CRTC3: variants seen among roughly 807,000 people sequenced by gnomAD.
CRTC3 encodes the protein CREB-regulated transcription coactivator 3.
Under a neutral mutation model 74.5 loss-of-function variants are expected in CRTC3, and 26 were observed. That is an observed-to-expected ratio of 0.35 (90% CI 0.26 to 0.48). CRTC3 has a LOEUF of 0.48. Ranked by LOEUF, CRTC3 falls within the 20% of genes least tolerant of loss-of-function variation. The pLI, the probability that CRTC3 is intolerant of heterozygous loss-of-function variation, is 0.99. For missense variants in CRTC3, 760 were observed against 787.3 expected, an observed-to-expected ratio of 0.97 and a Z score of 0.41; for synonymous variants, 377 against 325.8, an observed-to-expected ratio of 1.16 and a Z score of -1.69.
Position 90,619,760 on chromosome 15 carries a change from G to A in CRTC3, c.719G>A (p.Arg240His), listed in dbSNP as rs376110475. ...ETKEIQSLSG[R>H]PRSCDVGGGN... ...TCTCAGATTCAGTCCCTGTCAGGAC[G>A]CCCTCGATCCTGTGATGTTGGAGGT... The change falls in exon 9 of 15, where the codon CGC becomes CAC. Residue 240 changes from arginine to histidine, a missense_variant. Arg to His is a conservative substitution (Grantham distance 29). Around this residue, in one of 2 missense-constraint regions of CRTC3, gnomAD observed 652 missense variants for 635.2 expected, o/e 1.03. Transcript: ENST00000268184. 12 of 1,613,716 alleles carry A rather than the reference G, an allele frequency of 7.4e-6. No homozygotes were observed. Among genetic ancestry groups the A allele is most frequent in the Admixed American group, 5.0e-5 (3 of 59,998 alleles).
At position 90,602,020 on chromosome 15, in the gene CRTC3, A is replaced by G. The variant is rs1968082969; in HGVS notation, c.352-304A>G. ...GGCCTGGGTCCCTCACATGTGGCACAGAGGGAATGGCAGTGTTACCAGGTT... is the reference window on the plus strand; with the variant it reads ...GGCCTGGGTCCCTCACATGTGGCACGGAGGGAATGGCAGTGTTACCAGGTT... On this transcript the variant is annotated intron_variant, in intron 3 of 14. Coordinates refer to ENST00000268184, the MANE Select transcript of CRTC3 (RefSeq NM_022769.5). Among the ~76,000 whole-genome samples, 3 of 152,212 alleles carry G rather than the reference A, an allele frequency of 2.0e-5. No homozygotes were observed. In the South Asian group the frequency reaches 6.2e-4, roughly 31 times the overall value.
chr15:90,604,473 G>T, intron 5 of CRTC3, 26 bp downstream of exon 5: 1 of 1,572,746 alleles, frequency 6.4e-7, no homozygotes, highest in East Asian at 2.2e-5. Flanking sequence ...CCTGGTAGGA[G>T]TAGATTTTAA....
chr15:90,540,259 G>A, intron 2 of CRTC3, 122 bp downstream of exon 2: 1 of 649,884 alleles, frequency 1.5e-6, no homozygotes, highest in South Asian at 2.1e-5. Flanking sequence ...GTCTTCTTTT[G>A]GAAAGTCCAT....
At chr15:90,619,482 C>G (rs1968582221) in intron 8 of CRTC3, among the ~76,000 whole-genome samples, 1 of 152,124 alleles carries the variant, frequency 6.6e-6, no homozygotes, top group Non-Finnish European at 1.5e-5. Context: ...AAACATTGGT[C>G]TTTTAATGTT....
chr15:90,640,087 A>C (rs1004803252), intron 13 of CRTC3, among the ~76,000 whole-genome samples: 3 of 152,096 alleles, frequency 2.0e-5, no homozygotes, highest in Non-Finnish European at 4.4e-5. Context: ...AAATAAATTA[A>C]GATAGCTGTT....
At chr15:90,627,612 C>T (rs1362245174) in intron 10 of CRTC3, among the ~76,000 whole-genome samples, 1 of 151,414 alleles carries the variant, frequency 6.6e-6, no homozygotes, top group Non-Finnish European at 1.5e-5. Flanking sequence ...ATGTCAGTTT[C>T]TGTATTTTCT....
chr15:90,592,177 T>G (rs1304099763), intron 2 of CRTC3, among the ~76,000 whole-genome samples: 1 of 152,194 alleles, frequency 6.6e-6, no homozygotes, highest in Non-Finnish European at 1.5e-5. Flanking sequence ...ATAAAAACAT[T>G]GCGTCACAGG....
intron 11 of CRTC3, among the ~76,000 whole-genome samples, chr15:90,634,166 C>T (rs1055222121): frequency 1.3e-5 from 2 of 151,656 alleles, no homozygotes; most frequent in African/African-American, 4.8e-5. Flanking sequence ...GGCTGGAGTG[C>T]AGTGGTGTGA....
chr15:90,626,980 G>T (rs141003905), intron 10 of CRTC3, among the ~76,000 whole-genome samples: 4 of 152,160 alleles, frequency 2.6e-5, no homozygotes, highest in East Asian at 1.9e-4. Context: ...GCCCCTGGCC[G>T]TAACAGTCCT....
chr15:90,637,732 G>C (rs982286892), intron 11 of CRTC3: 3 of 152,202 alleles, frequency 2.0e-5, no homozygotes, highest in African/African-American at 7.2e-5. Flanking sequence ...GGGCTCTGCA[G>C]GTCCAACTGC....
chr15:90,603,251 C>G (rs11073938), intron 4 of CRTC3, among the ~76,000 whole-genome samples: 52,689 of 145,910 alleles, frequency 0.36, 9,917 homozygotes, highest in East Asian at 0.56. Flanking sequence ...AGACCATCCT[C>G]GCTAACACGG....
At chr15:90,624,449 GCCTGCCTCTCCCT>G (rs1968758750) in intron 9 of CRTC3, among the ~76,000 whole-genome samples, 1 of 151,666 alleles carries the variant, frequency 6.6e-6, no homozygotes, top group South Asian at 2.1e-4. Context: ...ATTCTCTCCC[GCCTGCCTCTCCCT>G]CCCCATGTGC....
rs961493609 is a variant in CRTC3 at position 90,602,339 on chromosome 15, T to A, written c.367T>A (p.Phe123Ile). The A allele has an allele frequency of 1.9e-6, 3 of 1,596,798 alleles. No homozygotes were observed. Among genetic ancestry groups the A allele is most frequent in the Non-Finnish European group, 8.6e-7 (1 of 1,165,036 alleles). Residue 123 changes from phenylalanine to isoleucine, a missense_variant, in exon 4 of 15, where the codon TTT becomes ATT. Physicochemically the swap from Phe to Ile is conservative, Grantham distance 21 (BLOSUM62 0). Coordinates refer to ENST00000268184, the MANE Select transcript of CRTC3 (RefSeq NM_022769.5). ...KPGRQFDGSA[F>I]GANYSSQPLD... Reference sequence around the variant, plus strand: ...AAAATTCTACTTTGATGGTAGTGCTTTTGGAGCCAATTATTCCTCACAGCC... The same window carrying A: ...AAAATTCTACTTTGATGGTAGTGCTATTGGAGCCAATTATTCCTCACAGCC...
chr15:90,608,524 G>A (rs2151084507), intron 6 of CRTC3, among the ~76,000 whole-genome samples: 1 of 152,276 alleles, frequency 6.6e-6, no homozygotes, highest in South Asian at 2.1e-4. Context: ...CATGTCTGTG[G>A]AGCCATCCTT....
intron 9 of CRTC3, chr15:90,619,999 C>T (rs28670393): frequency 0.012 from 6,714 of 548,980 alleles, 371 homozygotes; most frequent in African/African-American, 0.12. Context: ...TAATAACAAA[C>T]AAAACTTACA....
intron 2 of CRTC3, among the ~76,000 whole-genome samples, chr15:90,545,965 A>G (rs777074798): frequency 2.0e-5 from 3 of 152,134 alleles, no homozygotes; most frequent in Non-Finnish European, 4.4e-5. Flanking sequence ...TTTATCAGAT[A>G]TGTATTTTGC....
chr15:90,533,479 C>T (rs971464022), intron 1 of CRTC3, among the ~76,000 whole-genome samples: 2 of 150,494 alleles, frequency 1.3e-5, no homozygotes, highest in African/African-American at 2.4e-5. Context: ...AGAGGCTGTT[C>T]TGTTGTTCAT....
chr15:90,579,634 C>CCTTT lies in CRTC3; in HGVS notation c.232-14002_232-14001insCTTT, dbSNP rs772962487. ...GATTACATGGAGTAAACGTATTTCA[C>CCTTT]TTTTTTTTTTTTTTTTTTTTTTTTT... On this transcript the variant is annotated intron_variant, in intron 2 of 14. Coordinates refer to ENST00000268184, the MANE Select transcript of CRTC3 (RefSeq NM_022769.5). 2.9e-3 allele frequency among the ~76,000 whole-genome samples: 244 copies of CCTTT among 84,218 alleles called. 6 individuals are homozygous for CCTTT. The East Asian group carries it at 0.065, about 22-fold the overall frequency. The allele number at this position is 84,218 out of a possible 152,430, so 55.3% of individuals were successfully genotyped here. A position where few individuals can be genotyped will look rare whatever the true frequency, so the allele number is the denominator to read the frequency against.
At chr15:90,599,393 A>C (rs904035933) in intron 3 of CRTC3, 1 of 152,204 alleles carries the variant, frequency 6.6e-6, no homozygotes, top group African/African-American at 2.4e-5. Context: ...TGGTAAATTC[A>C]AGTTTATAAA....
Sources: gnomAD v4.1 joint callset for allele counts (sites outside exome capture counted in the v4.1 genomes callset) on GRCh38, gnomAD v4.1.1 for gene constraint, gnomAD v4.1.1 regional missense constraint, MANE v1.5 for transcripts, NCBI Gene and HGNC (gene_info 2026-07-23, HGNC 2026-07-21) for gene names.